SLC1A2: variants seen among roughly 807,000 people sequenced by gnomAD.
The protein encoded by SLC1A2 is solute carrier family 1 member 2.
In SLC1A2, 15 loss-of-function variants were observed where a neutral mutation model predicts 48.8. The ratio of observed to expected loss-of-function variants is 0.31; its 90% confidence interval spans 0.21 to 0.47. SLC1A2 has a LOEUF of 0.47. Among genes scored for constraint, SLC1A2 ranks in the 20% least tolerant of loss-of-function variants. SLC1A2 has a pLI of 0.99. For synonymous variants in SLC1A2, 279 were observed against 272.6 expected, an observed-to-expected ratio of 1.02 and a Z score of -0.23; for missense variants, 502 against 730.5, an observed-to-expected ratio of 0.69 and a Z score of 3.61.
At chr11:35,286,988 C>T (rs781030295) in intron 7 of SLC1A2, 37 bp from the exon 8 acceptor site, 1 of 1,546,308 alleles carries the variant, frequency 6.5e-7, no homozygotes, top group Non-Finnish European at 8.9e-7. Context: ...AGGGTTATGT[C>T]CACTTTAGAG....
chr11:35,376,639 C>T (rs1251742702), intron 1 of SLC1A2, among the ~76,000 whole-genome samples: 1 of 152,114 alleles, frequency 6.6e-6, no homozygotes, highest in Non-Finnish European at 1.5e-5. Flanking sequence ...CCAAATTATC[C>T]TGTTTCCACT....
intron 1 of SLC1A2, among the ~76,000 whole-genome samples, chr11:35,402,098 A>G (rs1194794238): frequency 6.6e-6 from 1 of 152,228 alleles, no homozygotes; most frequent in Admixed American, 6.5e-5. Context: ...ACAATAAAAA[A>G]TAAATATTTG....
chr11:35,328,675 G>A (rs117620108), intron 1 of SLC1A2, among the ~76,000 whole-genome samples: 182 of 152,270 alleles, frequency 1.2e-3, no homozygotes, highest in Non-Finnish European at 2.0e-3. Flanking sequence ...AATAGACATC[G>A]ACACTGAACA....
intron 1 of SLC1A2, among the ~76,000 whole-genome samples, chr11:35,346,772 G>A (rs913847105): frequency 2.6e-5 from 4 of 152,246 alleles, no homozygotes; most frequent in Admixed American, 2.0e-4. Flanking sequence ...ACAGTGAAGC[G>A]GAGACTCATA....
At chr11:35,346,762 A>T (rs1446148764) in intron 1 of SLC1A2, among the ~76,000 whole-genome samples, 1 of 152,246 alleles carries the variant, frequency 6.6e-6, no homozygotes, top group East Asian at 1.9e-4. Context: ...CAGTGAAATG[A>T]CAGTGAAGCG....
chr11:35,317,171 A>G, intron 2 of SLC1A2: 1 of 525,228 alleles, frequency 1.9e-6, no homozygotes, highest in South Asian at 3.3e-5. Flanking sequence ...AAAAAATTTA[A>G]GAACTACTAG....
At chr11:35,375,149 T>C (rs1476154134) in intron 1 of SLC1A2, among the ~76,000 whole-genome samples, 1 of 152,144 alleles carries the variant, frequency 6.6e-6, no homozygotes, top group Non-Finnish European at 1.5e-5. Context: ...AAAAATTGTA[T>C]AACAAAAAAT....
At chr11:35,274,419 A>G (rs1850375929) in intron 9 of SLC1A2, among the ~76,000 whole-genome samples, 1 of 152,214 alleles carries the variant, frequency 6.6e-6, no homozygotes, top group Non-Finnish European at 1.5e-5. Flanking sequence ...GATAAGATGT[A>G]AAAAAGAGAA....
intron 1 of SLC1A2, among the ~76,000 whole-genome samples, chr11:35,335,489 T>C (rs1324740355): frequency 6.6e-6 from 1 of 152,192 alleles, no homozygotes; most frequent in Non-Finnish European, 1.5e-5. Flanking sequence ...TCAGACTGTG[T>C]TGATGATCCA....
chr11:35,363,567 C>T (rs1853751507), intron 1 of SLC1A2, among the ~76,000 whole-genome samples: 2 of 152,172 alleles, frequency 1.3e-5, no homozygotes, highest in African/African-American at 4.8e-5. Flanking sequence ...ACACATCTGG[C>T]TTGGTCTCAA....
Position 35,396,049 on chromosome 11 carries a change from G to A in SLC1A2, c.17+22901C>T, listed in dbSNP as rs1007644253. On this transcript the variant is annotated intron_variant, in intron 1 of 10. Transcript: ENST00000278379. ...GCATAGTATTCCATGTTGTATATGTGCCACATTTTCTTAATCCAGTCTATC... is the reference window on the plus strand; with the variant it reads ...GCATAGTATTCCATGTTGTATATGTACCACATTTTCTTAATCCAGTCTATC... Among the ~76,000 whole-genome samples the A allele has an allele frequency of 2.1e-5, 3 of 144,158 alleles. 1 individual carries two copies. The highest frequency in any genetic ancestry group is 5.4e-5 in the African/African-American group (2 of 36,718). The allele number at this position is 144,158 out of a possible 152,430, so 94.6% of individuals were successfully genotyped here. A position where few individuals can be genotyped will look rare whatever the true frequency, so the allele number is the denominator to read the frequency against.
At chr11:35,360,974 C>G (rs1853661402) in intron 1 of SLC1A2, among the ~76,000 whole-genome samples, 1 of 152,024 alleles carries the variant, frequency 6.6e-6, no homozygotes, top group Non-Finnish European at 1.5e-5. Context: ...CTCCCGGGCT[C>G]AAGTGATTTT....
chr11:35,265,497 A>C lies in SLC1A2; in HGVS notation c.1653+30T>G, dbSNP rs572222241. 4.3e-6 allele frequency: 5 copies of C among 1,166,100 alleles called. No homozygotes were observed. The South Asian group carries it at 4.9e-5, about 12-fold the overall frequency. 72.2% of individuals were successfully genotyped at this position (1,166,100 alleles called of 1,614,324 possible). Reference sequence around the variant, plus strand: ...AATCAAGCATGCACTACTATATACAAGTCTCGATATCCATGAATGGGAAAT... The same window carrying C: ...AATCAAGCATGCACTACTATATACACGTCTCGATATCCATGAATGGGAAAT... On this transcript the variant is annotated intron_variant, in intron 10 of 10. Coordinates refer to ENST00000278379, the MANE Select transcript of SLC1A2 (RefSeq NM_004171.4).
At position 35,306,177 on chromosome 11, in the gene SLC1A2, G is replaced by A. The variant is rs552433198; in HGVS notation, c.627C>T (p.Ser209=). Residue 209 remains serine (S), a synonymous_variant, in exon 5 of 11, where the codon AGC becomes AGT. Coordinates refer to ENST00000278379, the MANE Select transcript of SLC1A2 (RefSeq NM_004171.4). ...TCTCGTTCAACAGAGAGACAACAGC[G>A]CTGGTTGCGTTGGCCTCCTCGTCCG... The part of the protein sequence containing the change: ...PPPDEEANAT[S]AVVSLLNETV... 3.5e-5 allele frequency: 57 copies of A among 1,613,768 alleles called. No homozygotes were observed. Among genetic ancestry groups the A allele is most frequent in the Middle Eastern group, 1.6e-4 (1 of 6,084 alleles).
chr11:35,353,752 AT>A (rs1853351484), intron 1 of SLC1A2, among the ~76,000 whole-genome samples: 1 of 152,188 alleles, frequency 6.6e-6, no homozygotes, highest in South Asian at 2.1e-4. Context: ...CCATGTTGAT[AT>A]TTAATTAATT....
chr11:35,327,816 G>A (rs1852296399), intron 1 of SLC1A2, among the ~76,000 whole-genome samples: 1 of 152,210 alleles, frequency 6.6e-6, no homozygotes, highest in African/African-American at 2.4e-5. Flanking sequence ...CCAAGCTCAT[G>A]AAGCTTGGAA....
intron 1 of SLC1A2, among the ~76,000 whole-genome samples, chr11:35,417,225 C>T (rs1001160747): frequency 4.6e-5 from 7 of 152,136 alleles, no homozygotes; most frequent in African/African-American, 1.4e-4. Context: ...TCTAAAATGC[C>T]GAAAATCACT....
chr11:35,395,293 T>C (rs540550013), intron 1 of SLC1A2, among the ~76,000 whole-genome samples: 2 of 151,564 alleles, frequency 1.3e-5, no homozygotes, highest in South Asian at 4.2e-4. Flanking sequence ...CTTCTGAGAA[T>C]AGCTATTTTT....
chr11:35,419,322 C>G lies in SLC1A2; in HGVS notation c.-356G>C, dbSNP rs907103037. 1 of 259,112 alleles carries G rather than the reference C, an allele frequency of 3.9e-6. No individual in the cohort carries two copies. The highest frequency in any genetic ancestry group is 7.2e-6 in the Non-Finnish European group (1 of 138,154). The allele number at this position is 259,112 out of a possible 1,614,324, so 16.1% of individuals were successfully genotyped here. A position where few individuals can be genotyped will look rare whatever the true frequency, so the allele number is the denominator to read the frequency against. ...CGGCGATGCGCCCCTGCAGCCGCTG[C>G]CACCTGTGCTTTGCTGCGGGGCTCG... On this transcript the variant is annotated 5_prime_UTR_variant, in exon 1 of 11. Transcript: ENST00000278379. The surrounding 1 kb of genome is among the most constrained non-coding windows in gnomAD (Gnocchi z 5.4).
Sources: gnomAD v4.1 joint callset for allele counts (sites outside exome capture counted in the v4.1 genomes callset) on GRCh38, gnomAD v4.1.1 for gene constraint, Gnocchi (gnomAD v3.1) non-coding constraint, MANE v1.5 for transcripts, NCBI Gene and HGNC (gene_info 2026-07-23, HGNC 2026-07-21) for gene names.